The following FUT8 variants were observed in gnomAD, a reference collection of about 807,000 sequenced individuals.
The protein encoded by FUT8 is alpha-(1,6)-fucosyltransferase.
In FUT8, 29 loss-of-function variants were observed where a neutral mutation model predicts 71.3. The observed-to-expected ratio is 0.41, with a 90% CI of 0.30 to 0.55. The LOEUF (loss-of-function observed/expected upper bound fraction) is 0.55. Among genes scored for constraint, FUT8 ranks in the 20% least tolerant of loss-of-function variants. The probability of loss-of-function intolerance (pLI) is 0.34; values close to 1 mark genes in which losing one functional copy is unlikely to be tolerated. For missense variants in FUT8, 544 were observed against 702.1 expected, an observed-to-expected ratio of 0.77 and a Z score of 2.55; for synonymous variants, 254 against 239.3, an observed-to-expected ratio of 1.06 and a Z score of -0.57.
chr14:65,736,126 T>G (rs1013637193), intron 10 of FUT8, among the ~76,000 whole-genome samples: 2 of 152,124 alleles, frequency 1.3e-5, no homozygotes, highest in Non-Finnish European at 2.9e-5. Flanking sequence ...CTTAGCCTAT[T>G]TCTTAACTGG....
chr14:65,733,963 G>T (rs1419598613), intron 10 of FUT8, among the ~76,000 whole-genome samples: 1 of 152,182 alleles, frequency 6.6e-6, no homozygotes, highest in South Asian at 2.1e-4. Flanking sequence ...TTTGGTGTAT[G>T]TGTTTTTATG....
At position 65,616,359 on chromosome 14, in the gene FUT8, A is replaced by G. The variant is rs181322184; in HGVS notation, c.468A>G (p.Leu156=). 4.0e-5 allele frequency: 64 copies of G among 1,599,382 alleles called. No homozygotes were observed. The African/African-American group carries it at 7.8e-4, about 20-fold the overall frequency. ...ATGCAGATGAATTTCTTTTGGATTT[A>G]GGACATCATGAAAGGTACTATTCTC... ...QRHADEFLLD[L]GHHERSIMTD... Residue 156 remains leucine (L), a synonymous_variant, in exon 5 of 11, where the codon TTA becomes TTG. Transcript: ENST00000673929.
chr14:65,474,391 T>A (rs1275682125), intron 2 of FUT8, among the ~76,000 whole-genome samples: 2 of 134,706 alleles, frequency 1.5e-5, no homozygotes, highest in Non-Finnish European at 3.1e-5. Flanking sequence ...TCACTTGAGG[T>A]CAGGAGTTCG....
At chr14:65,738,888 T>A (rs1189846660) in intron 10 of FUT8, among the ~76,000 whole-genome samples, 1 of 152,100 alleles carries the variant, frequency 6.6e-6, no homozygotes, top group Non-Finnish European at 1.5e-5. Context: ...GGGCTGGTAT[T>A]ATGCCTGGAG....
chr14:65,596,428 C>T lies in FUT8; in HGVS notation c.204-19550C>T, dbSNP rs1490578054. On this transcript the variant is annotated intron_variant, in intron 3 of 10. Transcript: ENST00000673929. The stretch of plus-strand genomic sequence containing the variant: ...ATCATATAATTTTATAGTATTCTTT[C>T]CAAAATTGTTAATTCATTTATAGCA... Among the ~76,000 whole-genome samples the T allele has an allele frequency of 2.0e-5, 3 of 152,216 alleles. No individual in the cohort carries two copies. The East Asian group carries it at 5.8e-4, about 29-fold the overall frequency.
chr14:65,681,746 T>G (rs1893047787), intron 7 of FUT8, among the ~76,000 whole-genome samples: 1 of 152,228 alleles, frequency 6.6e-6, no homozygotes, highest in Non-Finnish European at 1.5e-5. Context: ...TAGCTAATAT[T>G]TAGTGAACCA....
At chr14:65,399,512 G>C in the FUT8 span, among the ~76,000 whole-genome samples, 1 of 152,018 alleles carries the variant, frequency 6.6e-6, no homozygotes, top group Admixed American at 6.6e-5. Context: ...AGACTTAGTT[G>C]TTGGATCACT....
rs529455275 is a variant in FUT8, at chr14:65,441,337, T to G, written c.-325-14284T>G. ...CTTAGAATAGTGACCATTTTCTGTT[T>G]TCACAAATTTTAGAAAAGTATACAT... On this transcript the variant is annotated intron_variant, in intron 1 of 10. Transcript: ENST00000673929. 2.0e-5 allele frequency among the ~76,000 whole-genome samples: 3 copies of G among 152,344 alleles called. No homozygotes were observed. In the South Asian group the frequency reaches 6.2e-4, roughly 32 times the overall value.
chr14:65,617,119 T>C (rs1311688233), intron 5 of FUT8: 1 of 1,598,606 alleles, frequency 6.3e-7, no homozygotes, highest in South Asian at 1.1e-5. Flanking sequence ...GTCTCATTAG[T>C]GAACAATAAA....
chr14:65,706,530 A>G (rs1394316917), intron 7 of FUT8, among the ~76,000 whole-genome samples: 2 of 152,184 alleles, frequency 1.3e-5, no homozygotes, highest in African/African-American at 2.4e-5. Flanking sequence ...ACAAAATACT[A>G]TAAACTGGGT....
the FUT8 span, among the ~76,000 whole-genome samples, chr14:65,364,973 C>A: frequency 7.9e-5 from 12 of 152,260 alleles, no homozygotes; most frequent in African/African-American, 2.9e-4. Flanking sequence ...TGGCCGTGTA[C>A]AGTACATCCC....
intron 2 of FUT8, among the ~76,000 whole-genome samples, chr14:65,487,389 C>T (rs2066423664): frequency 6.6e-6 from 1 of 151,796 alleles, no homozygotes; most frequent in Non-Finnish European, 1.5e-5. Context: ...ATGGTGAGAC[C>T]CCGTCTCTAC....
intron 3 of FUT8, among the ~76,000 whole-genome samples, chr14:65,590,107 G>C (rs1887610258): frequency 6.6e-6 from 1 of 152,092 alleles, no homozygotes; most frequent in Non-Finnish European, 1.5e-5. Flanking sequence ...TAATTTCCTA[G>C]CATTTTTTTT....
the FUT8 span, among the ~76,000 whole-genome samples, chr14:65,367,245 T>C: frequency 6.6e-6 from 1 of 152,170 alleles, no homozygotes; most frequent in Non-Finnish European, 1.5e-5. Context: ...GAATCATTAA[T>C]TTATGAGGAG....
chr14:65,699,976 A>G (rs1894201282), intron 7 of FUT8, among the ~76,000 whole-genome samples: 2 of 152,120 alleles, frequency 1.3e-5, no homozygotes. Flanking sequence ...CTCTTCTTAT[A>G]CTTTTCTGGT....
intron 1 of FUT8, among the ~76,000 whole-genome samples, chr14:65,421,325 C>T (rs1047565008): frequency 7.3e-5 from 11 of 151,720 alleles, no homozygotes; most frequent in South Asian, 6.3e-4. Context: ...GAGAAGGAAG[C>T]GGAGGAATTC....
chr14:65,549,665 T>A (rs1467741297), intron 2 of FUT8, among the ~76,000 whole-genome samples: 1 of 152,204 alleles, frequency 6.6e-6, no homozygotes, highest in Non-Finnish European at 1.5e-5. Context: ...TAACTAATGA[T>A]GATGGATGAG....
chr14:65,547,702 T>C (rs1885056530), intron 2 of FUT8, among the ~76,000 whole-genome samples: 1 of 151,832 alleles, frequency 6.6e-6, no homozygotes, highest in Admixed American at 6.6e-5. Context: ...AATATACTTA[T>C]TTTGCATTTA....
intron 7 of FUT8, among the ~76,000 whole-genome samples, chr14:65,721,298 T>C (rs1167773717): frequency 6.6e-6 from 1 of 152,090 alleles, no homozygotes; most frequent in Admixed American, 6.5e-5. Flanking sequence ...AAGATGTAGA[T>C]GATTGGCTTA....
Sources: gnomAD v4.1 joint callset for allele counts (sites outside exome capture counted in the v4.1 genomes callset) on GRCh38, gnomAD v4.1.1 for gene constraint, MANE v1.5 for transcripts, NCBI Gene and HGNC (gene_info 2026-07-23, HGNC 2026-07-21) for gene names.